Variants in GLOD5 observed in about 807,000 individuals in gnomAD.
GLOD5 encodes glyoxalase domain containing 5, also known as glyoxalase domain-containing protein 5.
Under a neutral mutation model 9.9 loss-of-function variants are expected in GLOD5, and 7 were observed. That is an observed-to-expected ratio of 0.71 (90% CI 0.40 to 1.33). The LOEUF is 1.33. GLOD5 is among the 40% of genes most tolerant of loss of function. The pLI is 0.01. For synonymous variants in GLOD5, 49 were observed against 47.3 expected (o/e 1.04, Z -0.14); for missense variants, 146 against 128.4 (o/e 1.14, Z -0.66).
chrX:48,773,441 G>A lies in GLOD5; in HGVS notation c.*6G>A. 1 of 1,207,772 alleles carries A rather than the reference G, an allele frequency of 8.3e-7. No individual in the cohort carries two copies. The highest frequency in any genetic ancestry group is 1.8e-5 in the South Asian group (1 of 56,723). ...CCAACTACATCTCCTCGTGATGGAG[G>A]CTGGACCTCCTCCATTCTGTCCCCC... On this transcript the variant is annotated 3_prime_UTR_variant, in exon 4 of 4. Coordinates refer to ENST00000303227, the MANE Select transcript of GLOD5 (RefSeq NM_001080489.3).
At chrX:48,769,916 C>G (rs1557017167) in intron 2 of GLOD5, among the ~76,000 whole-genome samples, 1 of 102,783 alleles carries the variant, frequency 9.7e-6, no homozygotes, top group African/African-American at 3.6e-5. Flanking sequence ...GAGGTTGAGG[C>G]TGCAGTGAGC....
Position 48,765,983 on chromosome X carries a change from C to T in GLOD5, c.201+11C>T, listed in dbSNP as rs1351924992. The stretch of plus-strand genomic sequence containing the variant: ...GTCATGACTTTTAAGGTAAGCACTT[C>T]CCCAAATGCCAAAATTCAGGTGGGC... On this transcript the variant is annotated intron_variant, in intron 2 of 3. Transcript: ENST00000303227. 4 of 1,198,996 alleles carry T rather than the reference C, an allele frequency of 3.3e-6. No homozygotes were observed. Among genetic ancestry groups the T allele is most frequent in the Non-Finnish European group, 4.5e-6 (4 of 888,224 alleles).
intron 2 of GLOD5, among the ~76,000 whole-genome samples, chrX:48,767,796 A>C (rs1557016877): frequency 1.8e-5 from 2 of 111,488 alleles, no homozygotes; most frequent in Admixed American, 9.6e-5. Flanking sequence ...TACTAAGTAA[A>C]AGAAGTGGGG....
chrX:48,773,290 G>T lies in GLOD5; in HGVS notation c.358-20G>T, dbSNP rs782664309. On this transcript the variant is annotated intron_variant, in intron 3 of 3. Coordinates refer to ENST00000303227, the MANE Select transcript of GLOD5 (RefSeq NM_001080489.3). Reference sequence around the variant, plus strand: ...ACACACATTTTGACGAACGACTTTTGTCTTTTCTTCCCACTTCAGGCTTGT... The same window carrying T: ...ACACACATTTTGACGAACGACTTTTTTCTTTTCTTCCCACTTCAGGCTTGT... 5 of 1,205,034 alleles carry T rather than the reference G, an allele frequency of 4.1e-6. No individual in the cohort carries two copies. The Admixed American group carries it at 1.1e-4, about 26-fold the overall frequency.
chrX:48,764,829 C>T (rs184813181), intron 1 of GLOD5, among the ~76,000 whole-genome samples: 1 of 111,425 alleles, frequency 9.0e-6, no homozygotes, highest in Admixed American at 9.7e-5. Context: ...ACAGGTGCCA[C>T]CACTAGAATC....
chrX:48,773,262 CA>C, intron 3 of GLOD5, 47 bp from the exon 4 acceptor site: 1 of 1,194,873 alleles, frequency 8.4e-7, no homozygotes, highest in Non-Finnish European at 1.1e-6. Context: ...ATTTTGGTCT[CA>C]CACACACATT....
chrX:48,768,035 A>C (rs1557016898), intron 2 of GLOD5, among the ~76,000 whole-genome samples: 1 of 112,005 alleles, frequency 8.9e-6, no homozygotes, highest in African/African-American at 3.2e-5. Context: ...GTGCGATCAC[A>C]GTTCACCACA....
At chrX:48,767,018 G>A (rs782215890) in intron 2 of GLOD5, among the ~76,000 whole-genome samples, 1 of 25,039 alleles carries the variant, frequency 4.0e-5, no homozygotes, top group Non-Finnish European at 8.0e-5. Flanking sequence ...AACATTGGAT[G>A]ACTATGAATC....
chrX:48,764,950 G>A (rs1557016415), intron 1 of GLOD5, among the ~76,000 whole-genome samples: 1 of 111,476 alleles, frequency 9.0e-6, no homozygotes, highest in African/African-American at 3.3e-5. Context: ...TTCAAGTCAA[G>A]AGAAAGATCT....
chrX:48,764,349 G>A (rs1557016327), intron 1 of GLOD5, among the ~76,000 whole-genome samples: 5 of 111,071 alleles, frequency 4.5e-5, no homozygotes, highest in Non-Finnish European at 1.9e-5. Context: ...TTAACAAGAT[G>A]ACCACACATC....
At chrX:48,763,180 A>G (rs781896725) in intron 1 of GLOD5, among the ~76,000 whole-genome samples, 2 of 112,227 alleles carry the variant, frequency 1.8e-5, no homozygotes, top group Non-Finnish European at 3.8e-5. Flanking sequence ...AACCTAAGAA[A>G]GTAGAAGGAA....
At chrX:48,765,715 C>T in intron 1 of GLOD5, 120 bp from the exon 2 acceptor site, 3 of 834,829 alleles carry the variant, frequency 3.6e-6, no homozygotes, top group Non-Finnish European at 5.4e-6. Flanking sequence ...GGCCTTTCCC[C>T]TTGAAGGGGG....
At chrX:48,766,276 T>A in intron 2 of GLOD5, 1 of 203,945 alleles carries the variant, frequency 4.9e-6, no homozygotes, top group Non-Finnish European at 8.9e-6. Flanking sequence ...AACATCAAAC[T>A]GAAAAAGTAG....
At chrX:48,766,938 A>G (rs2147294504) in intron 2 of GLOD5, among the ~76,000 whole-genome samples, 1 of 87,455 alleles carries the variant, frequency 1.1e-5, no homozygotes, top group Admixed American at 1.4e-4. Context: ...GTGAGCCGAG[A>G]TCGCATCACT....
At position 48,773,505 on chromosome X, in the gene GLOD5, C is replaced by T; in HGVS notation, c.*70C>T. The T allele has an allele frequency of 1.8e-6, 2 of 1,106,476 alleles. No individual in the cohort carries two copies. The highest frequency in any genetic ancestry group is 1.9e-5 in the South Asian group (1 of 51,483). The allele number at this position is 1,106,476 out of a possible 1,213,427, so 91.2% of individuals were successfully genotyped here. On this transcript the variant is annotated 3_prime_UTR_variant, in exon 4 of 4. Coordinates refer to ENST00000303227, the MANE Select transcript of GLOD5 (RefSeq NM_001080489.3). Reference sequence around the variant, plus strand: ...CTCCTTTCCTTCCTGCAAACCCCCACCCAGGCCCAGAGATCTCCAAAGACT... The same window carrying T: ...CTCCTTTCCTTCCTGCAAACCCCCATCCAGGCCCAGAGATCTCCAAAGACT...
chrX:48,770,092 T>C (rs1426991904), intron 2 of GLOD5, among the ~76,000 whole-genome samples: 2 of 107,262 alleles, frequency 1.9e-5, no homozygotes, highest in African/African-American at 6.8e-5. Flanking sequence ...CTGGCCAACA[T>C]AGCAAAACCC....
rs781901437 is a variant in GLOD5 at position 48,764,136 on chromosome X, G to A, written c.64-1699G>A. ...AACTAGTTGTTTGGGAAAGAGTGGG[G>A]AACAAAACAGACAGAAGTCCCTGCT... On this transcript the variant is annotated intron_variant, in intron 1 of 3. Coordinates refer to ENST00000303227, the MANE Select transcript of GLOD5 (RefSeq NM_001080489.3). Among the ~76,000 whole-genome samples the A allele has an allele frequency of 1.3e-4, 14 of 111,259 alleles. 1 individual carries two copies. The South Asian group carries it at 5.2e-3, about 41-fold the overall frequency.
chrX:48,765,897 G>T lies in GLOD5; in HGVS notation c.126G>T (p.Val42=), dbSNP rs781915112. Residue 42 remains valine, a synonymous_variant, in exon 2 of 4, where the codon GTG becomes GTT. Coordinates refer to ENST00000303227, the MANE Select transcript of GLOD5 (RefSeq NM_001080489.3). ...TTATCCGTAGACTTGACCACATCGTGATGACGGTGAAGAGCATCAAAGACA... is the reference window on the plus strand; with the variant it reads ...TTATCCGTAGACTTGACCACATCGTTATGACGGTGAAGAGCATCAAAGACA... ...PCLIRRLDHI[V]MTVKSIKDTT... 1 of 1,202,484 alleles carries T rather than the reference G, an allele frequency of 8.3e-7. No individual in the cohort carries two copies. Among genetic ancestry groups the T allele is most frequent in the Non-Finnish European group, 1.1e-6 (1 of 889,782 alleles).
chrX:48,770,090 C>G (rs986924940), intron 2 of GLOD5, among the ~76,000 whole-genome samples: 8 of 108,827 alleles, frequency 7.4e-5, no homozygotes, highest in Non-Finnish European at 1.3e-4. Flanking sequence ...GCCTGGCCAA[C>G]ATAGCAAAAC....
Sources: allele counts gnomAD v4.1 joint callset (sites outside exome capture counted in the v4.1 genomes callset), GRCh38; gene constraint gnomAD v4.1.1; transcripts MANE v1.5; gene names NCBI Gene and HGNC (gene_info 2026-07-23, HGNC 2026-07-21).